The following PPARG variants were observed in gnomAD, a reference collection of about 807,000 sequenced individuals.
PPARG encodes peroxisome proliferator-activated receptor gamma.
PPARG carries 17 observed loss-of-function variants against 39.2 expected under a neutral mutation model. The observed-to-expected ratio is 0.43, with a 90% CI of 0.30 to 0.65. PPARG has a LOEUF of 0.65. Among genes scored for constraint, PPARG ranks in the 30% least tolerant of loss-of-function variants. PPARG has a pLI of 0.13. For missense variants in PPARG, 406 were observed against 585.9 expected (o/e 0.69, Z 3.17); for synonymous variants, 223 against 215.7 (o/e 1.03, Z -0.30).
Position 12,406,027 on chromosome 3 carries a change from G to A in PPARG, c.675G>A (p.Pro225=), listed in dbSNP as rs748317593. The change falls in exon 6 of 8, where the codon CCG becomes CCA. Residue 225 remains proline, a synonymous_variant. Transcript: ENST00000651735. ...ATGACTCATACATAAAGTCCTTCCCGCTGACCAAAGCAAAGGCGAGGGCGA... is the reference window on the plus strand; with the variant it reads ...ATGACTCATACATAAAGTCCTTCCCACTGACCAAAGCAAAGGCGAGGGCGA... ...HLYDSYIKSF[P]LTKAKARAIL... The A allele has an allele frequency of 1.9e-5, 30 of 1,613,992 alleles. No individual in the cohort carries two copies. In the Admixed American group the frequency reaches 2.0e-4, roughly 11 times the overall value.
At chr3:12,293,835 G>A (rs1421317716) in intron 1 of PPARG, among the ~76,000 whole-genome samples, 1 of 152,118 alleles carries the variant, frequency 6.6e-6, no homozygotes, top group Non-Finnish European at 1.5e-5. Flanking sequence ...CAAACTGTTC[G>A]AGTGCAATGA....
At chr3:12,310,246 A>G (rs2124986702) in intron 1 of PPARG, among the ~76,000 whole-genome samples, 1 of 152,240 alleles carries the variant, frequency 6.6e-6, no homozygotes, top group South Asian at 2.1e-4. Flanking sequence ...GCTACACACT[A>G]AGAATAGATA....
intron 7 of PPARG, among the ~76,000 whole-genome samples, chr3:12,432,260 A>T (rs1215720286): frequency 6.6e-6 from 1 of 152,196 alleles, no homozygotes; most frequent in Non-Finnish European, 1.5e-5. Flanking sequence ...CCCCCAAAAT[A>T]ACTCTAAACC....
chr3:12,381,866 A>G (rs747840091), intron 4 of PPARG, among the ~76,000 whole-genome samples: 80 of 152,340 alleles, frequency 5.3e-4, no homozygotes, highest in Non-Finnish European at 9.1e-4. Flanking sequence ...TGTCATGGCA[A>G]GACAGTGATG....
intron 2 of PPARG, among the ~76,000 whole-genome samples, chr3:12,318,943 A>G (rs746245439): frequency 2.6e-5 from 4 of 152,144 alleles, no homozygotes; most frequent in Non-Finnish European, 5.9e-5. Flanking sequence ...TAAAAGTTAG[A>G]TATTTTTAAC....
chr3:12,387,138 G>C (rs1231423880), intron 4 of PPARG, among the ~76,000 whole-genome samples: 3 of 152,166 alleles, frequency 2.0e-5, no homozygotes, highest in African/African-American at 7.2e-5. Flanking sequence ...ATTTGGGTCA[G>C]TTCCAAGTCT....
chr3:12,314,646 CAT>C (rs1056920573), intron 2 of PPARG, among the ~76,000 whole-genome samples: 94 of 152,220 alleles, frequency 6.2e-4, no homozygotes, highest in African/African-American at 2.2e-3. Flanking sequence ...ATAAAAGACA[CAT>C]CTTTGCTAAG....
chr3:12,417,414 C>G (rs996426404), intron 7 of PPARG, among the ~76,000 whole-genome samples: 17 of 152,242 alleles, frequency 1.1e-4, no homozygotes, highest in African/African-American at 4.1e-4. Flanking sequence ...GCCCTCTTCT[C>G]CTTTTTCTTT....
intron 2 of PPARG, among the ~76,000 whole-genome samples, chr3:12,350,551 C>T (rs2048452902): frequency 6.6e-6 from 1 of 152,156 alleles, no homozygotes; most frequent in Non-Finnish European, 1.5e-5. Context: ...TTCTAATAGG[C>T]CACTCATGTG....
intron 7 of PPARG, among the ~76,000 whole-genome samples, chr3:12,428,988 C>T (rs1208513319): frequency 6.6e-6 from 1 of 152,164 alleles, no homozygotes; most frequent in African/African-American, 2.4e-5. Context: ...TGATCTTAAT[C>T]AGTTTGCCCA....
At chr3:12,360,716 C>T (rs981449713) in intron 2 of PPARG, among the ~76,000 whole-genome samples, 11 of 151,936 alleles carry the variant, frequency 7.2e-5, no homozygotes, top group African/African-American at 2.7e-4. Context: ...TGTCTGGATT[C>T]TTTTGCTTAG....
At position 12,434,327 on chromosome 3, in the gene PPARG, A is replaced by G. The variant is rs977164719; in HGVS notation, c.*182A>G. ...TTTACAATTTACTTTTAATATTAAA[A>G]ATTACCATATTATGAAATTGCTGAT... On this transcript the variant is annotated 3_prime_UTR_variant, in exon 8 of 8. Coordinates refer to ENST00000651735, the MANE Select transcript of PPARG (RefSeq NM_138711.6). The surrounding 1 kb of genome is among the most constrained non-coding windows in gnomAD (Gnocchi z 4.2). 2 of 806,088 alleles carry G rather than the reference A, an allele frequency of 2.5e-6. No homozygotes were observed. Among genetic ancestry groups the G allele is most frequent in the African/African-American group, 1.7e-5 (1 of 57,952 alleles). The allele number at this position is 806,088 out of a possible 1,614,324, so 49.9% of individuals were successfully genotyped here.
chr3:12,290,294 C>T (rs1201414691), intron 1 of PPARG, among the ~76,000 whole-genome samples: 1 of 151,920 alleles, frequency 6.6e-6, no homozygotes, highest in Non-Finnish European at 1.5e-5. Flanking sequence ...TTTGTAGAAT[C>T]CCAGGCTGAA....
In PPARG at chr3:12,346,720, G is replaced by A. The variant is rs372491924; in HGVS notation, c.-8-32984G>A. ...TGCGATTACAGCTCACTGCAGCCTC[G>A]GTCTCCTGGGCTCAAGCATCCCTCC... On this transcript the variant is annotated intron_variant, in intron 2 of 7. Coordinates refer to ENST00000651735, the MANE Select transcript of PPARG (RefSeq NM_138711.6). 2.2e-4 allele frequency among the ~76,000 whole-genome samples: 33 copies of A among 151,490 alleles called. No homozygotes were observed. The South Asian group carries it at 6.3e-3, about 29-fold the overall frequency.
At chr3:12,321,424 C>T (rs1248968990) in intron 2 of PPARG, among the ~76,000 whole-genome samples, 1 of 152,148 alleles carries the variant, frequency 6.6e-6, no homozygotes, top group Non-Finnish European at 1.5e-5. Flanking sequence ...ACTTCTGCCC[C>T]CAGGTGCCAA....
chr3:12,314,888 G>A (rs35917766), intron 2 of PPARG, among the ~76,000 whole-genome samples: 6 of 151,760 alleles, frequency 4.0e-5, no homozygotes, highest in African/African-American at 7.3e-5. Flanking sequence ...ATTTCAATAC[G>A]TGCATACAAT....
intron 1 of PPARG, among the ~76,000 whole-genome samples, chr3:12,299,316 A>G (rs901845517): frequency 6.6e-6 from 1 of 152,140 alleles, no homozygotes; most frequent in Non-Finnish European, 1.5e-5. Context: ...GACGGTGACT[A>G]AGAGGGGGTG....
At position 12,379,766 on chromosome 3, in the gene PPARG, G is replaced by A. The variant is rs777067241; in HGVS notation, c.55G>A (p.Asp19Asn). The A allele has an allele frequency of 1.2e-6, 2 of 1,613,952 alleles. No individual in the cohort carries two copies. The highest frequency in any genetic ancestry group is 1.1e-5 in the South Asian group (1 of 91,078). The change falls in exon 3 of 8, where the codon GAT (aspartate) becomes AAT (asparagine). Residue 19 changes from aspartate to asparagine, a missense_variant. Physicochemically the swap from Asp to Asn is conservative, Grantham distance 23. Coordinates refer to ENST00000651735, the MANE Select transcript of PPARG (RefSeq NM_138711.6). ...CACCAACTTTGGGATCAGCTCCGTG[G>A]ATCTCTCCGTAATGGAAGACCACTC... The part of the protein sequence containing the change: ...WPTNFGISSV[D>N]LSVMEDHSHS...
chr3:12,347,807 A>T (rs1015316192), intron 2 of PPARG, among the ~76,000 whole-genome samples: 1 of 152,068 alleles, frequency 6.6e-6, no homozygotes, highest in African/African-American at 2.4e-5. Context: ...CATTACTCTC[A>T]TCATCAACAA....
Sources: gnomAD v4.1 joint callset for allele counts (sites outside exome capture counted in the v4.1 genomes callset) on GRCh38, gnomAD v4.1.1 for gene constraint, Gnocchi (gnomAD v3.1) non-coding constraint, MANE v1.5 for transcripts, NCBI Gene and HGNC (gene_info 2026-07-23, HGNC 2026-07-21) for gene names.